The following BSDC1 variants were observed in gnomAD, a reference collection of about 807,000 sequenced individuals.
BSDC1 encodes BSD domain-containing protein 1.
A neutral mutation model predicts 56.0 loss-of-function variants in BSDC1; 29 were observed. The observed-to-expected ratio is 0.52, with a 90% CI of 0.39 to 0.71. The LOEUF (loss-of-function observed/expected upper bound fraction) is 0.71. BSDC1 is among the 30% of genes least tolerant of loss of function. The probability of loss-of-function intolerance (pLI) is 0.00; values close to 1 mark genes in which losing one functional copy is unlikely to be tolerated. For synonymous variants in BSDC1, 210 were observed against 215.3 expected (o/e 0.98, Z 0.21); for missense variants, 477 against 548.5 (o/e 0.87, Z 1.30).
chr1:32,381,305 A>C (rs1480704521), intron 4 of BSDC1, 37 bp from the exon 5 acceptor site: 1 of 1,599,028 alleles, frequency 6.3e-7, no homozygotes, highest in Non-Finnish European at 8.6e-7. Flanking sequence ...AGAAATTCTG[A>C]GATACTGGGC....
chr1:32,389,107 A>T (rs1642776082), intron 2 of BSDC1, among the ~76,000 whole-genome samples: 1 of 152,002 alleles, frequency 6.6e-6, no homozygotes, highest in African/African-American at 2.4e-5. Flanking sequence ...GGCGCCCGCC[A>T]CCAAGCCCAG....
chr1:32,387,439 T>G (rs980315439), intron 2 of BSDC1, among the ~76,000 whole-genome samples: 6 of 152,092 alleles, frequency 3.9e-5, no homozygotes, highest in African/African-American at 1.4e-4. Context: ...CCTCCCGGGT[T>G]CAAGCGATTT....
chr1:32,373,254 C>T (rs777768934), intron 9 of BSDC1, among the ~76,000 whole-genome samples: 3 of 152,218 alleles, frequency 2.0e-5, no homozygotes, highest in Non-Finnish European at 4.4e-5. Flanking sequence ...TTCTATAGCA[C>T]ATCCTCAGCC....
chr1:32,369,459 T>G, intron 9 of BSDC1: 1 of 376,260 alleles, frequency 2.7e-6, no homozygotes, highest in Non-Finnish European at 4.9e-6. Context: ...CAGTGAGCTA[T>G]GATCATGCCA....
intron 9 of BSDC1, among the ~76,000 whole-genome samples, chr1:32,373,463 C>T (rs1313593101): frequency 3.3e-5 from 5 of 152,174 alleles, no homozygotes; most frequent in Non-Finnish European, 5.9e-5. Context: ...CATTCTCTCC[C>T]GTACTCAGCT....
At chr1:32,380,605 C>T (rs1642447461) in intron 5 of BSDC1, among the ~76,000 whole-genome samples, 1 of 152,154 alleles carries the variant, frequency 6.6e-6, no homozygotes, top group African/African-American at 2.4e-5. Context: ...GAGATCGCGC[C>T]ATTGCACTCC....
intron 9 of BSDC1, chr1:32,374,662 T>TA (rs1570115704): frequency 6.6e-6 from 1 of 152,290 alleles, no homozygotes; most frequent in Non-Finnish European, 1.5e-5. Context: ...CAGCTTAGAC[T>TA]ACCACTCCCC....
chr1:32,385,057 T>C (rs919890900), intron 3 of BSDC1, among the ~76,000 whole-genome samples: 2 of 152,142 alleles, frequency 1.3e-5, no homozygotes, highest in Non-Finnish European at 2.9e-5. Flanking sequence ...GTAACATGAG[T>C]AATTAATTAC....
Position 32,394,393 on chromosome 1 carries a change from G to C in BSDC1, c.11+11C>G, listed in dbSNP as rs771023769. ...AGGCCCCAACGCCTAGGAGCAAAAC[G>C]ACAAGCTCACCCTTCCGCCATCTTG... On this transcript the variant is annotated intron_variant, in intron 1 of 10. Coordinates refer to ENST00000455895, the MANE Select transcript of BSDC1 (RefSeq NM_018045.8). 3 of 1,613,846 alleles carry C rather than the reference G, an allele frequency of 1.9e-6. No individual in the cohort carries two copies. The African/African-American group carries it at 4.0e-5, about 22-fold the overall frequency.
At chr1:32,368,015 G>T in intron 10 of BSDC1, 1 of 1,160,504 alleles carries the variant, frequency 8.6e-7, no homozygotes, top group Non-Finnish European at 1.1e-6. Context: ...AGGGTTTGAT[G>T]TCTGTTTTCT....
chr1:32,378,856 G>T lies in BSDC1; in HGVS notation c.413-17C>A, dbSNP rs763475366. On this transcript the variant is annotated splice_polypyrimidine_tract_variant and intron_variant, in intron 5 of 10. Transcript: ENST00000455895. This position sits in a 1 kb window ranked among gnomAD's most constrained non-coding sequence, Gnocchi z 5.2. Reference sequence around the variant, plus strand: ...CCGGGGGCCCTGCAGAGGGACAGATGCTGACGGTCAGTTGCCTTGGTCTGG... The same window carrying T: ...CCGGGGGCCCTGCAGAGGGACAGATTCTGACGGTCAGTTGCCTTGGTCTGG... The T allele has an allele frequency of 6.9e-7, 1 of 1,457,606 alleles. No individual in the cohort carries two copies. Among genetic ancestry groups the T allele is most frequent in the South Asian group, 1.4e-5 (1 of 71,408 alleles). 90.3% of individuals were successfully genotyped at this position (1,457,606 alleles called of 1,614,324 possible).
chr1:32,369,716 A>G (rs1046585190), intron 9 of BSDC1, among the ~76,000 whole-genome samples: 1 of 152,172 alleles, frequency 6.6e-6, no homozygotes, highest in African/African-American at 2.4e-5. Context: ...CCATTGCTCA[A>G]ATCGTACCTT....
intron 2 of BSDC1, among the ~76,000 whole-genome samples, chr1:32,391,663 G>A (rs1642869521): frequency 6.6e-6 from 1 of 152,232 alleles, no homozygotes; most frequent in South Asian, 2.1e-4. Flanking sequence ...GACAGGACAG[G>A]AGGAGGTAAG....
chr1:32,394,331 G>T, intron 1 of BSDC1, 73 bp downstream of exon 1: 1 of 1,610,256 alleles, frequency 6.2e-7, no homozygotes, highest in Non-Finnish European at 8.5e-7. Context: ...GTTCCCCACC[G>T]GGACTCTCGC....
In BSDC1 at chr1:32,390,550, T is replaced by C. The variant is rs528275848; in HGVS notation, c.72+3530A>G. The stretch of plus-strand genomic sequence containing the variant: ...TAGAGACAAGGTGGTAACAATGACT[T>C]TGGGCACGCAGAACTTGAGATGACT... On this transcript the variant is annotated intron_variant, in intron 2 of 10. Coordinates refer to ENST00000455895, the MANE Select transcript of BSDC1 (RefSeq NM_018045.8). 2.0e-5 allele frequency among the ~76,000 whole-genome samples: 3 copies of C among 152,166 alleles called. No individual in the cohort carries two copies. The East Asian group carries it at 5.8e-4, about 29-fold the overall frequency.
At chr1:32,386,411 A>G (rs1324780647) in intron 3 of BSDC1, 1 of 172,334 alleles carries the variant, frequency 5.8e-6, no homozygotes, top group Non-Finnish European at 1.2e-5. Context: ...ATACACCCCC[A>G]AAATATTAAC....
chr1:32,377,148 A>T (rs557802001), intron 8 of BSDC1, among the ~76,000 whole-genome samples: 1 of 152,212 alleles, frequency 6.6e-6, no homozygotes, highest in East Asian at 1.9e-4. Flanking sequence ...AACGAAAAAA[A>T]AAAGACTCAA....
At chr1:32,370,222 C>T (rs1490562536) in intron 9 of BSDC1, among the ~76,000 whole-genome samples, 1 of 152,212 alleles carries the variant, frequency 6.6e-6, no homozygotes, top group South Asian at 2.1e-4. Context: ...AGGTGATCCG[C>T]CTGCTTTGAC....
Position 32,366,080 on chromosome 1 carries a change from G to GA in BSDC1, c.*541dup, listed in dbSNP as rs1641839170. The GA allele has an allele frequency of 1.8e-5, 3 of 166,266 alleles. No individual in the cohort carries two copies. Among genetic ancestry groups the GA allele is most frequent in the South Asian group, 2.7e-4 (2 of 7,294 alleles). The allele number at this position is 166,266 out of a possible 1,614,324, so 10.3% of individuals were successfully genotyped here. On this transcript the variant is annotated 3_prime_UTR_variant, in exon 11 of 11. Coordinates refer to ENST00000455895, the MANE Select transcript of BSDC1 (RefSeq NM_018045.8). ...AGGAATGGAAAATGCCTGGGAGGGG[G>GA]AGAGTCCCAAGAGAGGCAAATTTCC... is the stretch of plus-strand genomic sequence containing the variant.
Sources: gnomAD v4.1 joint callset for allele counts (sites outside exome capture counted in the v4.1 genomes callset) on GRCh38, gnomAD v4.1.1 for gene constraint, Gnocchi (gnomAD v3.1) non-coding constraint, MANE v1.5 for transcripts, NCBI Gene and HGNC (gene_info 2026-07-23, HGNC 2026-07-21) for gene names.